ALK: variants seen among roughly 807,000 people sequenced by gnomAD.
ALK encodes the protein ALK receptor tyrosine kinase, also known as ALK tyrosine kinase receptor.
A neutral mutation model predicts 163.1 loss-of-function variants in ALK; 74 were observed. The ratio of observed to expected loss-of-function variants is 0.45; its 90% CI spans 0.38 to 0.55. ALK has a LOEUF of 0.55. Among genes scored for constraint, ALK ranks in the 20% least tolerant of loss-of-function variants. The pLI, the probability that ALK is intolerant of heterozygous loss-of-function variation, is 0.00. For synonymous variants in ALK, 960 were observed against 843.2 expected, an observed-to-expected ratio of 1.14 and a Z score of -2.40; for missense variants, 2,063 against 2,105.3, an observed-to-expected ratio of 0.98 and a Z score of 0.39.
chr2:29,219,054 T>G (rs1175425586), intron 23 of ALK, among the ~76,000 whole-genome samples: 2 of 152,202 alleles, frequency 1.3e-5, no homozygotes, highest in African/African-American at 2.4e-5. Flanking sequence ...CCACTTCCTG[T>G]GTGGCCATGG....
chr2:29,700,885 T>G (rs917868569), intron 2 of ALK, among the ~76,000 whole-genome samples: 1 of 152,174 alleles, frequency 6.6e-6, no homozygotes, highest in Non-Finnish European at 1.5e-5. Flanking sequence ...ACAAACCACC[T>G]TGAACACTCT....
chr2:29,424,208 G>A (rs1670084104), intron 4 of ALK, among the ~76,000 whole-genome samples: 1 of 152,152 alleles, frequency 6.6e-6, no homozygotes, highest in Non-Finnish European at 1.5e-5. Context: ...ATCAATGTAT[G>A]TGTCAAAAAC....
intron 3 of ALK, among the ~76,000 whole-genome samples, chr2:29,564,452 C>T (rs1366381883): frequency 6.6e-6 from 1 of 151,922 alleles, no homozygotes; most frequent in Non-Finnish European, 1.5e-5. Context: ...CCCCCACCGC[C>T]ACCCTTGTAA....
At chr2:29,358,005 C>T (rs1668293170) in intron 5 of ALK, among the ~76,000 whole-genome samples, 1 of 152,168 alleles carries the variant, frequency 6.6e-6, no homozygotes, top group African/African-American at 2.4e-5. Flanking sequence ...TACAGATTAA[C>T]AAGAGGCTAA....
chr2:29,774,118 A>G (rs1440317717), intron 1 of ALK, among the ~76,000 whole-genome samples: 1 of 152,220 alleles, frequency 6.6e-6, no homozygotes, highest in African/African-American at 2.4e-5. Context: ...TGGCATTTAT[A>G]TAATGCTATC....
At chr2:29,608,091 T>C (rs1441564159) in intron 3 of ALK, among the ~76,000 whole-genome samples, 1 of 152,214 alleles carries the variant, frequency 6.6e-6, no homozygotes, top group East Asian at 1.9e-4. Flanking sequence ...ACTTCTTTCA[T>C]GTTTCTGCTC....
At chr2:29,904,312 G>C (rs1263628269) in intron 1 of ALK, among the ~76,000 whole-genome samples, 1 of 152,076 alleles carries the variant, frequency 6.6e-6, no homozygotes, top group Non-Finnish European at 1.5e-5. Flanking sequence ...GGACAGGATT[G>C]GTTTTCTGGT....
intron 1 of ALK, among the ~76,000 whole-genome samples, chr2:29,894,963 TA>T (rs1343835467): frequency 6.6e-6 from 1 of 152,102 alleles, no homozygotes; most frequent in Non-Finnish European, 1.5e-5. Flanking sequence ...ATGGGAACCA[TA>T]AAAAGCCCCA....
intron 4 of ALK, among the ~76,000 whole-genome samples, chr2:29,414,030 C>T (rs1276467618): frequency 6.6e-6 from 1 of 152,234 alleles, no homozygotes; most frequent in African/African-American, 2.4e-5. Flanking sequence ...TTTTATCCAA[C>T]TGGCAGTGAA....
chr2:29,391,433 T>C, intron 4 of ALK, among the ~76,000 whole-genome samples: 1 of 152,072 alleles, frequency 6.6e-6, no homozygotes, highest in Non-Finnish European at 1.5e-5. Flanking sequence ...CCCAAGTAGC[T>C]GGGATTATAG....
At chr2:29,533,510 C>T (rs916143946) in intron 3 of ALK, among the ~76,000 whole-genome samples, 1 of 149,966 alleles carries the variant, frequency 6.7e-6, no homozygotes, top group Non-Finnish European at 1.5e-5. Flanking sequence ...TTCTTTTTCA[C>T]TGGCCCACTG....
intron 1 of ALK, among the ~76,000 whole-genome samples, chr2:29,735,973 T>C (rs966939074): frequency 1.3e-5 from 2 of 152,006 alleles, no homozygotes; most frequent in Non-Finnish European, 2.9e-5. Context: ...AGATTATAAT[T>C]ACCCCTATTT....
At chr2:29,670,463 C>T (rs1573542303) in intron 3 of ALK, among the ~76,000 whole-genome samples, 1 of 151,792 alleles carries the variant, frequency 6.6e-6, no homozygotes, top group Admixed American at 6.6e-5. Context: ...TGTTTCTGAA[C>T]TTTGAGAGTT....
intron 4 of ALK, among the ~76,000 whole-genome samples, chr2:29,448,442 G>A (rs969640748): frequency 1.2e-4 from 18 of 152,112 alleles, no homozygotes; most frequent in African/African-American, 4.3e-4. Context: ...TAAACCAGAG[G>A]GTGTGTGCTC....
At chr2:29,546,459 AT>A (rs1673556714) in intron 3 of ALK, among the ~76,000 whole-genome samples, 1 of 152,240 alleles carries the variant, frequency 6.6e-6, no homozygotes, top group South Asian at 2.1e-4. Context: ...GGGGAACAAA[AT>A]GAAAACTAAA....
At chr2:29,748,036 A>G (rs1558470742) in intron 1 of ALK, among the ~76,000 whole-genome samples, 1 of 152,200 alleles carries the variant, frequency 6.6e-6, no homozygotes, top group Non-Finnish European at 1.5e-5. Context: ...AGCTGATGAG[A>G]TTGCCTACCT....
chr2:29,233,002 G>A (rs1664261282), intron 14 of ALK, among the ~76,000 whole-genome samples: 1 of 152,176 alleles, frequency 6.6e-6, no homozygotes, highest in South Asian at 2.1e-4. Context: ...AGGGCACAGT[G>A]GGACTCTCTG....
intron 3 of ALK, among the ~76,000 whole-genome samples, chr2:29,550,861 A>T (rs987777434): frequency 1.1e-4 from 16 of 152,196 alleles, no homozygotes; most frequent in Non-Finnish European, 1.9e-4. Context: ...TTAAAAATTT[A>T]AAATATTTTT....
At chr2:29,723,782 A>G (rs1013290197) in intron 1 of ALK, among the ~76,000 whole-genome samples, 2 of 152,210 alleles carry the variant, frequency 1.3e-5, no homozygotes, top group African/African-American at 4.8e-5. Context: ...TTAAAATTGT[A>G]TGCTCCTATC....
Sources: allele counts gnomAD v4.1 joint callset (sites outside exome capture counted in the v4.1 genomes callset), GRCh38; gene constraint gnomAD v4.1.1; transcripts MANE v1.5; gene names NCBI Gene and HGNC (gene_info 2026-07-23, HGNC 2026-07-21).